OCA2: variants seen among roughly 807,000 people sequenced by gnomAD.
The protein encoded by OCA2 is P protein.
Under a neutral mutation model 100.2 loss-of-function variants are expected in OCA2, and 77 were observed. That is an observed-to-expected ratio of 0.77 (90% confidence interval 0.64 to 0.93). The LOEUF (loss-of-function observed/expected upper bound fraction) is 0.93. Among genes scored for constraint, OCA2 ranks in the 40% least tolerant of loss-of-function variants. The pLI is 0.00. For missense variants in OCA2, 1,062 were observed against 1,089.1 expected, an observed-to-expected ratio of 0.98 and a Z score of 0.35; for synonymous variants, 432 against 439.2, an observed-to-expected ratio of 0.98 and a Z score of 0.21.
intron 18 of OCA2, among the ~76,000 whole-genome samples, chr15:27,947,909 CAT>C (rs1360523054): frequency 6.6e-6 from 1 of 152,198 alleles, no homozygotes; most frequent in Non-Finnish European, 1.5e-5. Context: ...GAAGAACACA[CAT>C]GTGAGCCTTT....
chr15:28,003,731 C>T (rs948435066), intron 9 of OCA2, among the ~76,000 whole-genome samples: 4 of 152,204 alleles, frequency 2.6e-5, no homozygotes, highest in Non-Finnish European at 4.4e-5. Context: ...TCAGAGTTGG[C>T]GGATGTCTGA....
At chr15:27,831,284 C>CAAAAAAAAAAAAAAAAA (rs71132824) in intron 23 of OCA2, among the ~76,000 whole-genome samples, 11 of 62,628 alleles carry the variant, frequency 1.8e-4, no homozygotes, top group Non-Finnish European at 2.3e-4. Flanking sequence ...GACTCCGTCT[C>CAAAAAAAAAAAAAAAAA]AAAAAAAAAA....
At chr15:27,806,561 T>C (rs1475583094) in intron 23 of OCA2, among the ~76,000 whole-genome samples, 3 of 152,182 alleles carry the variant, frequency 2.0e-5, no homozygotes, top group African/African-American at 7.2e-5. Flanking sequence ...AGGAGGGCCC[T>C]TCCCTAGCGG....
At chr15:28,034,854 G>T (rs570978316) in intron 2 of OCA2, among the ~76,000 whole-genome samples, 1 of 152,104 alleles carries the variant, frequency 6.6e-6, no homozygotes, top group East Asian at 1.9e-4. Flanking sequence ...CATGAGATTG[G>T]CTTTTTAACT....
chr15:27,986,634 C>T lies in OCA2; in HGVS notation c.1192G>A (p.Val398Ile), dbSNP rs75208498. ...LALLFGMMIL[V>I]AIFSETGFFD... ...AATCCCGTTTCTGAAAATATGGCTA[C>T]TAAGATCATCTATGGGGAAAAGAAG... Residue 398 changes from valine to isoleucine, a missense_variant, in exon 12 of 24, where the codon GTA becomes ATA. Coordinates refer to ENST00000354638, the MANE Select transcript of OCA2 (RefSeq NM_000275.3). The T allele has an allele frequency of 1.9e-6, 3 of 1,580,120 alleles. No homozygotes were observed. Among genetic ancestry groups the T allele is most frequent in the Non-Finnish European group, 8.7e-7 (1 of 1,149,270 alleles).
chr15:27,916,430 T>TTGATGTTATGTACTCCC lies in OCA2; in HGVS notation c.2079+9680_2079+9696dup, dbSNP rs1431339630. 1.1e-4 allele frequency among the ~76,000 whole-genome samples: 17 copies of TTGATGTTATGTACTCCC among 152,342 alleles called. No homozygotes were observed. The East Asian group carries it at 2.5e-3, about 22-fold the overall frequency. On this transcript the variant is annotated intron_variant, in intron 19 of 23. Coordinates refer to ENST00000354638, the MANE Select transcript of OCA2 (RefSeq NM_000275.3). ...TCTTCTAAGGGTAAACATGTTTATA[T>TTGATGTTATGTACTCCC]TGATGTTATGTACTCCCTATATCCA...
At chr15:27,913,838 G>GGAAA (rs367919609) in intron 19 of OCA2, among the ~76,000 whole-genome samples, 1,965 of 36,772 alleles carry the variant, frequency 0.053, 82 homozygotes, top group Admixed American at 0.07. Flanking sequence ...AAGAAAGAAA[G>GGAAA]GAAAGAAAGA....
At chr15:27,836,718 A>G (rs976623908) in intron 23 of OCA2, among the ~76,000 whole-genome samples, 3 of 152,238 alleles carry the variant, frequency 2.0e-5, no homozygotes, top group African/African-American at 7.2e-5. Flanking sequence ...AAATCTACAA[A>G]GAATTTTATT....
At chr15:27,738,735 C>T in the OCA2 span, among the ~76,000 whole-genome samples, 7 of 108,694 alleles carry the variant, frequency 6.4e-5, no homozygotes, top group Admixed American at 6.7e-4. Context: ...AAAAAAAAGG[C>T]TCTACGCCAA....
Position 27,983,341 on chromosome 15 carries a change from G to A in OCA2, c.1503+4C>T, listed in dbSNP as rs758207366. 77 of 1,614,006 alleles carry A rather than the reference G, an allele frequency of 4.8e-5. No individual in the cohort carries two copies. The highest frequency in any genetic ancestry group is 4.3e-4 in the African/African-American group (32 of 74,912). On this transcript the variant is annotated splice_donor_region_variant and intron_variant, in intron 14 of 23. Transcript: ENST00000354638. ...GGAAGCAACCCTAGCATGCTGGTACGTACCATCTTCCTCAGCTCTTGGTTG... is the reference window on the plus strand; with the variant it reads ...GGAAGCAACCCTAGCATGCTGGTACATACCATCTTCCTCAGCTCTTGGTTG...
At chr15:28,010,499 G>A in intron 9 of OCA2, among the ~76,000 whole-genome samples, 1 of 152,012 alleles carries the variant, frequency 6.6e-6, no homozygotes. Flanking sequence ...GAAGTAATAG[G>A]TAAATTCAAT....
intron 23 of OCA2, among the ~76,000 whole-genome samples, chr15:27,813,978 T>TAAAGATCAAACA (rs1165956270): frequency 6.6e-6 from 1 of 152,248 alleles, no homozygotes; most frequent in Non-Finnish European, 1.5e-5. Context: ...ATGTAATGTG[T>TAAAGATCAAACA]AAAGATCAAA....
At chr15:28,014,393 G>A (rs114404119) in intron 9 of OCA2, among the ~76,000 whole-genome samples, 114 of 152,220 alleles carry the variant, frequency 7.5e-4, no homozygotes, top group African/African-American at 2.5e-3. Flanking sequence ...ACAACCCCAC[G>A]GTGCAGGTGG....
the OCA2 span, among the ~76,000 whole-genome samples, chr15:27,732,587 G>A: frequency 6.6e-6 from 1 of 152,342 alleles, no homozygotes; most frequent in Non-Finnish European, 1.5e-5. Flanking sequence ...GAGAGGGCAT[G>A]TGTGGGTGTG....
chr15:28,002,363 A>G (rs2041954644), intron 9 of OCA2, among the ~76,000 whole-genome samples: 2 of 152,146 alleles, frequency 1.3e-5, no homozygotes, highest in South Asian at 4.1e-4. Context: ...GCCTCCCTGC[A>G]GGGCCTGCTC....
intron 23 of OCA2, among the ~76,000 whole-genome samples, chr15:27,771,121 C>G (rs893541486): frequency 1.9e-5 from 2 of 104,640 alleles, no homozygotes; most frequent in Non-Finnish European, 4.8e-5. Flanking sequence ...CTTCTTCCTT[C>G]TTTCCTTCCC....
chr15:27,765,205 A>C (rs991894605), intron 23 of OCA2, among the ~76,000 whole-genome samples: 2 of 152,160 alleles, frequency 1.3e-5, no homozygotes, highest in Admixed American at 6.5e-5. Context: ...GCTCAGGTTC[A>C]ACATCAAAAG....
intron 2 of OCA2, among the ~76,000 whole-genome samples, chr15:28,077,924 A>G (rs533279524): frequency 6.6e-6 from 1 of 152,290 alleles, no homozygotes; most frequent in South Asian, 2.1e-4. Context: ...TACTAAATAT[A>G]CAACAATTAG....
intron 1 of OCA2, among the ~76,000 whole-genome samples, chr15:28,097,784 C>A (rs989531583): frequency 1.3e-5 from 2 of 152,180 alleles, no homozygotes; most frequent in African/African-American, 4.8e-5. Context: ...AACTGGGAAT[C>A]CCCCCTGCAG....
Sources: gnomAD v4.1 joint callset for allele counts (sites outside exome capture counted in the v4.1 genomes callset) on GRCh38, gnomAD v4.1.1 for gene constraint, MANE v1.5 for transcripts, NCBI Gene and HGNC (gene_info 2026-07-23, HGNC 2026-07-21) for gene names.